The following COL5A2 variants were observed in gnomAD, a reference collection of about 807,000 sequenced individuals.
The protein encoded by COL5A2 is collagen type V alpha 2 chain, also known as collagen alpha-2(V) chain.
COL5A2 carries 23 observed loss-of-function variants against 208.2 expected under a neutral mutation model. The ratio of observed to expected loss-of-function variants is 0.11; its 90% confidence interval spans 0.08 to 0.16. The LOEUF is 0.16. Ranked by LOEUF, COL5A2 falls within the 10% of genes least tolerant of loss-of-function variation. The pLI is 1.00. For missense variants in COL5A2, 1,590 were observed against 1,956.4 expected (o/e 0.81, Z 3.53); for synonymous variants, 625 against 628.5 (o/e 0.99, Z 0.08).
the COL5A2 span, among the ~76,000 whole-genome samples, chr2:189,379,421 C>T: frequency 2.6e-5 from 4 of 152,040 alleles, no homozygotes; most frequent in East Asian, 1.9e-4. Flanking sequence ...GCATTTTTTA[C>T]GGCTGGATGA....
intron 1 of COL5A2, among the ~76,000 whole-genome samples, chr2:189,157,735 G>A (rs1688282534): frequency 6.6e-6 from 1 of 151,898 alleles, no homozygotes; most frequent in Admixed American, 6.6e-5. Context: ...AAAACTTAAA[G>A]GCTTTGGTCA....
At chr2:189,085,863 C>T (rs1346592224) in intron 9 of COL5A2, 91 bp from the exon 10 acceptor site, 3 of 1,076,496 alleles carry the variant, frequency 2.8e-6, no homozygotes, top group Non-Finnish European at 4.2e-6. Flanking sequence ...ATTGTTTAGA[C>T]AGTTGGCTCT....
At chr2:189,034,445 C>T (rs950553158) in intron 53 of COL5A2, among the ~76,000 whole-genome samples, 10 of 152,172 alleles carry the variant, frequency 6.6e-5, no homozygotes, top group Non-Finnish European at 1.2e-4. Context: ...CAAATGGTCA[C>T]TAGCAACATA....
At chr2:189,243,334 A>G in the COL5A2 span, among the ~76,000 whole-genome samples, 1 of 152,162 alleles carries the variant, frequency 6.6e-6, no homozygotes, top group African/African-American at 2.4e-5. Flanking sequence ...CATGCTGCCA[A>G]TAAAGACATA....
the COL5A2 span, among the ~76,000 whole-genome samples, chr2:189,312,871 G>GA: frequency 3.9e-3 from 536 of 139,010 alleles, 2 homozygotes; most frequent in Middle Eastern, 0.011. Flanking sequence ...ACTGTTAAAG[G>GA]AAAAAAAAAA....
the COL5A2 span, among the ~76,000 whole-genome samples, chr2:189,398,418 C>T: frequency 6.6e-6 from 1 of 152,010 alleles, no homozygotes; most frequent in Non-Finnish European, 1.5e-5. Context: ...ACTGTCAATG[C>T]TTGCTTTATA....
intron 4 of COL5A2, among the ~76,000 whole-genome samples, chr2:189,099,125 C>T (rs1201891231): frequency 6.6e-6 from 1 of 152,004 alleles, no homozygotes. Context: ...AGGTAATTAC[C>T]TCCCTCATAG....
At chr2:189,058,375 A>T in intron 33 of COL5A2, 54 bp downstream of exon 33, 1 of 1,322,594 alleles carries the variant, frequency 7.6e-7, no homozygotes, top group Non-Finnish European at 1.1e-6. Flanking sequence ...TCATGCGTTT[A>T]TTAAGCAGTA....
chr2:189,035,291 T>C (rs375102634), intron 52 of COL5A2, 136 bp from the exon 53 acceptor site: 3 of 1,148,346 alleles, frequency 2.6e-6, no homozygotes, highest in African/African-American at 1.6e-5. Context: ...TGTCATAAAG[T>C]AAGCTATTCT....
upstream of COL5A2, among the ~76,000 whole-genome samples, chr2:189,182,043 T>C (rs948709046): frequency 6.6e-6 from 1 of 152,244 alleles, no homozygotes; most frequent in African/African-American, 2.4e-5. Context: ...ATTTTGCAAC[T>C]TGGGCTTTTT....
rs200342414 is a variant in COL5A2, at chr2:189,049,430, T to G, written c.3064A>C (p.Thr1022Pro). 11 of 1,613,440 alleles carry G rather than the reference T, an allele frequency of 6.8e-6. No homozygotes were observed. The East Asian group carries it at 2.5e-4, about 36-fold the overall frequency. Residue 1022 changes from threonine (T) to proline (P), a missense_variant, in exon 44 of 54, where the codon ACT (threonine) becomes CCT (proline). By Grantham distance (38) the Thr-to-Pro change is conservative. Coordinates refer to ENST00000374866, the MANE Select transcript of COL5A2 (RefSeq NM_000393.5). The stretch of plus-strand genomic sequence containing the variant: ...GGACCTTTATCTCCTGTTGCACCAG[T>G]TGGTCCTACTTTTCCTGGTGTTCCC... ...PAGTPGKVGP[T>P]GATGDKGPPG... is the part of the protein sequence containing the mutation.
chr2:189,163,699 G>A (rs1262720399), intron 1 of COL5A2, among the ~76,000 whole-genome samples: 1 of 152,192 alleles, frequency 6.6e-6, no homozygotes, highest in Non-Finnish European at 1.5e-5. Flanking sequence ...ATGTGTAGGT[G>A]AGACTTTCCA....
chr2:189,280,887 T>C, the COL5A2 span, among the ~76,000 whole-genome samples: 1 of 152,058 alleles, frequency 6.6e-6, no homozygotes, highest in Non-Finnish European at 1.5e-5. Flanking sequence ...CACAGGATTA[T>C]AGTTTATGGT....
chr2:189,099,041 T>G (rs1299985292), intron 4 of COL5A2, among the ~76,000 whole-genome samples: 1 of 152,230 alleles, frequency 6.6e-6, no homozygotes, highest in Non-Finnish European at 1.5e-5. Context: ...TGTGTGACTT[T>G]GGACTAATTA....
chr2:189,426,567 A>G, the COL5A2 span, among the ~76,000 whole-genome samples: 1 of 152,158 alleles, frequency 6.6e-6, no homozygotes, highest in Non-Finnish European at 1.5e-5. Flanking sequence ...TGCTCTAACC[A>G]CCTTGGGCAC....
Position 189,033,306 on chromosome 2 carries a change from CAATATTGATAGATTGATCAA to C in COL5A2, c.*744_*763del, listed in dbSNP as rs1685374454. 1 of 152,538 alleles carries C rather than the reference CAATATTGATAGATTGATCAA, an allele frequency of 6.6e-6. No individual in the cohort carries two copies. Among genetic ancestry groups the C allele is most frequent in the Non-Finnish European group, 1.5e-5 (1 of 68,068 alleles). The allele number at this position is 152,538 out of a possible 1,614,324, so 9.4% of individuals were successfully genotyped here. A position where few individuals can be genotyped will look rare whatever the true frequency, so the allele number is the denominator to read the frequency against. ...TGGTATATACTAGTGTGACTTCTAT[CAATATTGATAGATTGATCAA>C]GAGGAGAAAGATATCTTTAAATTTG... On this transcript the variant is annotated 3_prime_UTR_variant, in exon 54 of 54. Coordinates refer to ENST00000374866, the MANE Select transcript of COL5A2 (RefSeq NM_000393.5).
the COL5A2 span, among the ~76,000 whole-genome samples, chr2:189,352,010 C>G: frequency 2.0e-5 from 3 of 151,552 alleles, no homozygotes; most frequent in East Asian, 5.9e-4. Context: ...CCCCTGTGAT[C>G]TCATTGTTCA....
chr2:189,180,194 A>G (rs1265896044), upstream of COL5A2, among the ~76,000 whole-genome samples: 2 of 152,128 alleles, frequency 1.3e-5, no homozygotes, highest in African/African-American at 4.8e-5. Context: ...AAATCTTTAA[A>G]CAATCACATT....
the COL5A2 span, among the ~76,000 whole-genome samples, chr2:189,233,779 C>T: frequency 1.1e-4 from 17 of 151,564 alleles, no homozygotes; most frequent in African/African-American, 4.1e-4. Context: ...CATGCAATCA[C>T]GAAGGTAAAC....
Sources: allele counts gnomAD v4.1 joint callset (sites outside exome capture counted in the v4.1 genomes callset), GRCh38; gene constraint gnomAD v4.1.1; transcripts MANE v1.5; gene names NCBI Gene and HGNC (gene_info 2026-07-23, HGNC 2026-07-21).